The following WASHC3 variants were observed in gnomAD, a reference collection of about 807,000 sequenced individuals.
The protein encoded by WASHC3 is WASH complex subunit 3, also known as WASH complex subunit CCDC53.
WASHC3 carries 24 observed loss-of-function variants against 26.1 expected under a neutral mutation model. That is an observed-to-expected ratio of 0.92 (90% CI 0.66 to 1.29). The LOEUF is 1.29. WASHC3 is among the 50% of genes most tolerant of loss of function. The pLI is 0.00. For missense variants in WASHC3, 214 were observed against 229.6 expected (o/e 0.93, Z 0.44); for synonymous variants, 77 against 75.7 (o/e 1.02, Z -0.09).
intron 2 of WASHC3, among the ~76,000 whole-genome samples, chr12:102,053,838 A>C (rs533737016): frequency 6.6e-6 from 1 of 152,134 alleles, no homozygotes; most frequent in African/African-American, 2.4e-5. Context: ...TAAATCACTT[A>C]TATCTTTAGT....
intron 2 of WASHC3, among the ~76,000 whole-genome samples, chr12:102,051,275 G>A (rs1878383340): frequency 6.6e-6 from 1 of 151,866 alleles, no homozygotes; most frequent in African/African-American, 2.4e-5. Flanking sequence ...ACTAACAGTT[G>A]AGGTTCCTCT....
chr12:102,032,026 T>C (rs1004287645), intron 5 of WASHC3, among the ~76,000 whole-genome samples: 1 of 152,162 alleles, frequency 6.6e-6, no homozygotes, highest in African/African-American at 2.4e-5. Flanking sequence ...AATAACTGTA[T>C]CTTGTTTGTC....
chr12:102,014,347 A>G (rs534591939), intron 6 of WASHC3, among the ~76,000 whole-genome samples: 1 of 3,044 alleles, frequency 3.3e-4, no homozygotes, highest in African/African-American at 4.3e-3. Context: ...CTGGGATTAT[A>G]GATGCGAGCC....
chr12:102,037,834 T>C (rs1877736044), intron 5 of WASHC3, among the ~76,000 whole-genome samples: 1 of 152,196 alleles, frequency 6.6e-6, no homozygotes. Context: ...TTCACTCTTG[T>C]TGCCCAGGCT....
In WASHC3 at chr12:102,046,678, T is replaced by C. The variant is rs533765547; in HGVS notation, c.151-559A>G. Among the ~76,000 whole-genome samples the C allele has an allele frequency of 2.6e-5, 4 of 152,336 alleles. No individual in the cohort carries two copies. In the South Asian group the frequency reaches 8.3e-4, roughly 32 times the overall value. On this transcript the variant is annotated intron_variant, in intron 2 of 6. Transcript: ENST00000240079. Reference sequence around the variant, plus strand: ...TCATTATCAGAGCAGTAAACAATTGTTGAGACCAGAATATAAACAAACCAG... The same window carrying C: ...TCATTATCAGAGCAGTAAACAATTGCTGAGACCAGAATATAAACAAACCAG...
At chr12:102,027,433 C>A (rs902096364) in intron 5 of WASHC3, among the ~76,000 whole-genome samples, 1 of 152,086 alleles carries the variant, frequency 6.6e-6, no homozygotes, top group Admixed American at 6.5e-5. Flanking sequence ...ACAAACGTGA[C>A]AGCTAAATTT....
intron 2 of WASHC3, among the ~76,000 whole-genome samples, chr12:102,048,826 A>T (rs1465657735): frequency 6.6e-6 from 1 of 152,172 alleles, no homozygotes; most frequent in Non-Finnish European, 1.5e-5. Context: ...TATTCTATCC[A>T]CCTGAAAACA....
chr12:102,036,234 C>T (rs994521820), intron 5 of WASHC3, among the ~76,000 whole-genome samples: 2 of 151,932 alleles, frequency 1.3e-5, no homozygotes, highest in African/African-American at 4.8e-5. Context: ...GTGGCGGGCA[C>T]CACCTTAATC....
chr12:102,049,781 T>G (rs1878314547), intron 2 of WASHC3, among the ~76,000 whole-genome samples: 1 of 152,120 alleles, frequency 6.6e-6, no homozygotes, highest in African/African-American at 2.4e-5. Flanking sequence ...TTTTATTAGG[T>G]TGTGTCTGAT....
chr12:102,014,075 CTTTTTTTTT>C (rs1189181874), intron 6 of WASHC3, among the ~76,000 whole-genome samples: 2 of 88,726 alleles, frequency 2.3e-5, no homozygotes, highest in East Asian at 4.1e-4. Flanking sequence ...ACTGCTACAT[CTTTTTTTTT>C]TTTTTTTTTT....
chr12:102,043,072 G>C, intron 4 of WASHC3, among the ~76,000 whole-genome samples: 1 of 152,060 alleles, frequency 6.6e-6, no homozygotes, highest in Non-Finnish European at 1.5e-5. Context: ...GTATTTCTAA[G>C]ATCAGTAGCT....
chr12:102,037,912 C>T (rs1414012394), intron 5 of WASHC3, among the ~76,000 whole-genome samples: 2 of 152,138 alleles, frequency 1.3e-5, no homozygotes, highest in Non-Finnish European at 2.9e-5. Flanking sequence ...TCTCCTGCCT[C>T]AGCCTCCCGA....
chr12:102,047,324 A>T (rs1396482854), intron 2 of WASHC3, among the ~76,000 whole-genome samples: 1 of 152,192 alleles, frequency 6.6e-6, no homozygotes, highest in Non-Finnish European at 1.5e-5. Context: ...CTTTGCCCAC[A>T]ATTAGAGGGG....
At chr12:102,019,019 G>A (rs1036482948) in intron 6 of WASHC3, among the ~76,000 whole-genome samples, 16 of 152,010 alleles carry the variant, frequency 1.1e-4, no homozygotes, top group African/African-American at 3.1e-4. Context: ...GGCTGGTCTC[G>A]AATTCCTGAC....
chr12:102,041,983 ATT>A (rs1392483467), intron 4 of WASHC3, among the ~76,000 whole-genome samples: 1 of 152,154 alleles, frequency 6.6e-6, no homozygotes, highest in Non-Finnish European at 1.5e-5. Context: ...CTGCATAAGA[ATT>A]TTAAAGGGCA....
intron 6 of WASHC3, among the ~76,000 whole-genome samples, chr12:102,018,545 T>C (rs1169407675): frequency 6.6e-6 from 1 of 152,180 alleles, no homozygotes; most frequent in Non-Finnish European, 1.5e-5. Flanking sequence ...CGGTCAGAGC[T>C]CACTATAGCC....
At chr12:102,052,567 C>T (rs574578451) in intron 2 of WASHC3, among the ~76,000 whole-genome samples, 2 of 151,514 alleles carry the variant, frequency 1.3e-5, no homozygotes, top group South Asian at 2.1e-4. Context: ...CCCCAGTGGC[C>T]CTAGGTTCTG....
chr12:102,058,595 C>G (rs1878682547), intron 2 of WASHC3, among the ~76,000 whole-genome samples: 1 of 152,062 alleles, frequency 6.6e-6, no homozygotes, highest in Admixed American at 6.6e-5. Context: ...CCTCTGTACA[C>G]TGTTGGTGGG....
Position 102,013,204 on chromosome 12 carries a change from G to GAAAAA in WASHC3, c.501-17_501-13dup. ...GAGCATCTGGCCTCCTAAAAGAAAA[G>GAAAAA]AAAAAAAAATTTCAAAGGTCTTTTC... On this transcript the variant is annotated splice_polypyrimidine_tract_variant and intron_variant, in intron 6 of 6. Coordinates refer to ENST00000240079, the MANE Select transcript of WASHC3 (RefSeq NM_016053.4). The GAAAAA allele has an allele frequency of 7.0e-7, 1 of 1,419,960 alleles. No individual in the cohort carries two copies. The highest frequency in any genetic ancestry group is 9.6e-7 in the Non-Finnish European group (1 of 1,043,452). The allele number at this position is 1,419,960 out of a possible 1,614,324, so 88.0% of individuals were successfully genotyped here.
Sources: gnomAD v4.1 joint callset for allele counts (sites outside exome capture counted in the v4.1 genomes callset) on GRCh38, gnomAD v4.1.1 for gene constraint, MANE v1.5 for transcripts, NCBI Gene and HGNC (gene_info 2026-07-23, HGNC 2026-07-21) for gene names.